Variants in CDKAL1 observed in about 807,000 individuals in gnomAD.
The protein encoded by CDKAL1 is CDKAL1 threonylcarbamoyladenosine tRNA methylthiotransferase.
Under a neutral mutation model 68.2 loss-of-function variants are expected in CDKAL1, and 32 were observed. The ratio of observed to expected loss-of-function variants is 0.47; its 90% CI spans 0.35 to 0.63. CDKAL1 has a LOEUF of 0.63. Ranked by LOEUF, CDKAL1 falls within the 30% of genes least tolerant of loss-of-function variation. The pLI is 0.00. For missense variants in CDKAL1, 606 were observed against 696.7 expected, an observed-to-expected ratio of 0.87 and a Z score of 1.47; for synonymous variants, 234 against 244.3, an observed-to-expected ratio of 0.96 and a Z score of 0.39.
At chr6:20,923,241 A>G (rs927342594) in intron 9 of CDKAL1, among the ~76,000 whole-genome samples, 5 of 152,158 alleles carry the variant, frequency 3.3e-5, no homozygotes, top group African/African-American at 1.2e-4. Context: ...TCTTGGGTAC[A>G]GGTATACCTC....
At chr6:21,132,607 A>G (rs1196279130) in intron 13 of CDKAL1, among the ~76,000 whole-genome samples, 1 of 152,164 alleles carries the variant, frequency 6.6e-6, no homozygotes, top group Non-Finnish European at 1.5e-5. Context: ...TCATAATAAC[A>G]TTTTTATCTT....
At chr6:20,552,247 G>A (rs1763863565) in intron 4 of CDKAL1, among the ~76,000 whole-genome samples, 1 of 151,856 alleles carries the variant, frequency 6.6e-6, no homozygotes, top group Admixed American at 6.6e-5. Context: ...TACTTGAGAG[G>A]ATGAGGTGGC....
intron 9 of CDKAL1, among the ~76,000 whole-genome samples, chr6:20,881,845 C>A (rs992871002): frequency 2.0e-5 from 3 of 152,140 alleles, no homozygotes; most frequent in Admixed American, 2.0e-4. Context: ...AAAATGCACT[C>A]TTTTTGGAAA....
intron 4 of CDKAL1, among the ~76,000 whole-genome samples, chr6:20,583,213 C>G (rs79598041): frequency 6.6e-6 from 1 of 152,144 alleles, no homozygotes; most frequent in Non-Finnish European, 1.5e-5. Context: ...TTTGCCTTGC[C>G]GTGAAGTGTA....
At chr6:21,115,112 A>G (rs1051378875) in intron 13 of CDKAL1, among the ~76,000 whole-genome samples, 1 of 152,198 alleles carries the variant, frequency 6.6e-6, no homozygotes, top group Non-Finnish European at 1.5e-5. Context: ...TTTCTTAAAT[A>G]TGGAAAAGGG....
At chr6:20,561,824 C>G (rs2127669609) in intron 4 of CDKAL1, among the ~76,000 whole-genome samples, 1 of 151,754 alleles carries the variant, frequency 6.6e-6, no homozygotes, top group Non-Finnish European at 1.5e-5. Flanking sequence ...AAGTATATTC[C>G]AAAGGTTAGA....
chr6:21,152,913 T>A (rs1776479202), intron 13 of CDKAL1, among the ~76,000 whole-genome samples: 1 of 152,294 alleles, frequency 6.6e-6, no homozygotes, highest in African/African-American at 2.4e-5. Context: ...GTTCAAGAAA[T>A]ATTTCCATTC....
At chr6:20,969,775 A>G (rs976268059) in intron 10 of CDKAL1, among the ~76,000 whole-genome samples, 2 of 152,198 alleles carry the variant, frequency 1.3e-5, no homozygotes, top group African/African-American at 4.8e-5. Context: ...GCCAAGTATC[A>G]GGTTTAGCCA....
intron 5 of CDKAL1, among the ~76,000 whole-genome samples, chr6:20,728,680 G>T (rs897594106): frequency 2.0e-5 from 3 of 152,186 alleles, no homozygotes; most frequent in African/African-American, 7.2e-5. Context: ...TTCATAAAAC[G>T]AAATGACAGG....
Position 20,802,300 on chromosome 6 carries a change from AAAC to A in CDKAL1, c.638+21050_638+21052del, listed in dbSNP as rs1193956957. 5.5e-3 allele frequency among the ~76,000 whole-genome samples: 606 copies of A among 110,788 alleles called. 4 individuals carry two copies. Among genetic ancestry groups the A allele is most frequent in the Admixed American group, 0.012 (132 of 10,914 alleles). 72.7% of individuals were successfully genotyped at this position (110,788 alleles called of 152,430 possible). A position where few individuals can be genotyped will look rare whatever the true frequency, so the allele number is the denominator to read the frequency against. The stretch of plus-strand genomic sequence containing the variant: ...CAACAAAGCAAGACTCCGTCTCAAA[AAAC>A]AACAACAACAACAATAATAATAATA... On this transcript the variant is annotated intron_variant, in intron 8 of 15. Transcript: ENST00000274695.
chr6:20,787,770 A>C (rs1287768428), intron 8 of CDKAL1, among the ~76,000 whole-genome samples: 2 of 152,190 alleles, frequency 1.3e-5, no homozygotes, highest in African/African-American at 4.8e-5. Context: ...CCAGTTAACT[A>C]TAGATTGTTG....
chr6:20,958,315 C>T (rs182365168), intron 10 of CDKAL1, among the ~76,000 whole-genome samples: 1 of 152,346 alleles, frequency 6.6e-6, no homozygotes, highest in East Asian at 1.9e-4. Flanking sequence ...GACCTTCACA[C>T]CTTGCTGTTT....
At chr6:20,693,191 G>GAT (rs903160486) in intron 5 of CDKAL1, among the ~76,000 whole-genome samples, 1 of 150,582 alleles carries the variant, frequency 6.6e-6, no homozygotes, top group Non-Finnish European at 1.5e-5. Context: ...TAAGGGACAG[G>GAT]ATCTCAGCTC....
At chr6:20,600,206 G>A (rs1766021675) in intron 4 of CDKAL1, among the ~76,000 whole-genome samples, 1 of 152,010 alleles carries the variant, frequency 6.6e-6, no homozygotes, top group Admixed American at 6.6e-5. Flanking sequence ...GGTCCTTTTT[G>A]TAATGGCTAT....
intron 4 of CDKAL1, among the ~76,000 whole-genome samples, chr6:20,627,848 G>T (rs555727195): frequency 6.6e-6 from 1 of 152,238 alleles, no homozygotes; most frequent in South Asian, 2.1e-4. Flanking sequence ...TTGGCACAAA[G>T]AAGTATAATT....
At chr6:20,970,795 T>C (rs2030081) in intron 10 of CDKAL1, among the ~76,000 whole-genome samples, 61,205 of 152,108 alleles carry the variant, frequency 0.4, 13,658 homozygotes, top group Non-Finnish European at 0.49. Flanking sequence ...TAATATGGCA[T>C]AGATAGACTG....
intron 8 of CDKAL1, among the ~76,000 whole-genome samples, chr6:20,842,780 G>A (rs900714074): frequency 4.6e-5 from 7 of 152,142 alleles, no homozygotes; most frequent in African/African-American, 7.2e-5. Context: ...GCAGTGAGCC[G>A]AGATCACGAC....
At chr6:21,122,156 T>C (rs1774752589) in intron 13 of CDKAL1, among the ~76,000 whole-genome samples, 2 of 152,248 alleles carry the variant, frequency 1.3e-5, no homozygotes, top group Non-Finnish European at 2.9e-5. Flanking sequence ...TGTTTTTACG[T>C]AATCTGTACA....
At chr6:21,193,638 A>G (rs1778348146) in intron 13 of CDKAL1, among the ~76,000 whole-genome samples, 1 of 152,098 alleles carries the variant, frequency 6.6e-6, no homozygotes, top group African/African-American at 2.4e-5. Flanking sequence ...TGACCAATCC[A>G]TATATGTGGC....
Sources: allele counts gnomAD v4.1 joint callset (sites outside exome capture counted in the v4.1 genomes callset), GRCh38; gene constraint gnomAD v4.1.1; transcripts MANE v1.5; gene names NCBI Gene and HGNC (gene_info 2026-07-23, HGNC 2026-07-21).